Variants in ARHGAP15 observed in about 807,000 individuals in gnomAD.
ARHGAP15 encodes the protein Rho GTPase activating protein 15.
A neutral mutation model predicts 63.7 loss-of-function variants in ARHGAP15; 51 were observed. That is an observed-to-expected ratio of 0.80 (90% CI 0.64 to 1.01). The LOEUF is 1.01. ARHGAP15 is among the 50% of genes least tolerant of loss of function. ARHGAP15 has a pLI of 0.00. For missense variants in ARHGAP15, 560 were observed against 564.6 expected, an observed-to-expected ratio of 0.99 and a Z score of 0.08; for synonymous variants, 191 against 193.8, an observed-to-expected ratio of 0.99 and a Z score of 0.12.
chr2:143,659,707 T>A lies in ARHGAP15; in HGVS notation c.1138+35440T>A, dbSNP rs936103261. Among the ~76,000 whole-genome samples the A allele has an allele frequency of 8.5e-5, 13 of 152,350 alleles. No homozygotes were observed. The South Asian group carries it at 1.0e-3, about 12-fold the overall frequency. On this transcript the variant is annotated intron_variant, in intron 12 of 13. Transcript: ENST00000295095. ...CTTCCTAGGCAGGCATGGGTTTATG[T>A]GGTAATACAGGCCCTTTTAAAAATT...
At chr2:143,132,241 T>A (rs1688942399) in intron 1 of ARHGAP15, among the ~76,000 whole-genome samples, 1 of 152,220 alleles carries the variant, frequency 6.6e-6, no homozygotes, top group Non-Finnish European at 1.5e-5. Flanking sequence ...ACTTCTTTGT[T>A]GGCAAACGAT....
chr2:143,751,557 C>G (rs553808818), intron 13 of ARHGAP15, among the ~76,000 whole-genome samples: 10 of 152,274 alleles, frequency 6.6e-5, no homozygotes, highest in African/African-American at 2.2e-4. Context: ...GAAGGATGAA[C>G]TACAAGCTCT....
intron 13 of ARHGAP15, among the ~76,000 whole-genome samples, chr2:143,734,963 C>CCT (rs898481596): frequency 2.0e-5 from 3 of 152,122 alleles, no homozygotes; most frequent in African/African-American, 7.2e-5. Context: ...AATGTCGTGT[C>CCT]CTCTCTCTTA....
chr2:143,740,761 A>C (rs76967573), intron 13 of ARHGAP15, among the ~76,000 whole-genome samples: 3,282 of 152,214 alleles, frequency 0.022, 60 homozygotes, highest in Non-Finnish European at 0.028. Context: ...TTAAAAGACA[A>C]TGAAATTCTC....
intron 11 of ARHGAP15, among the ~76,000 whole-genome samples, chr2:143,568,955 T>C (rs202049049): frequency 3.3e-5 from 5 of 152,102 alleles, no homozygotes; most frequent in Admixed American, 6.5e-5. Flanking sequence ...TAGGTGGGAA[T>C]TGAACAATGA....
intron 5 of ARHGAP15, among the ~76,000 whole-genome samples, chr2:143,248,901 CT>C (rs1018871177): frequency 6.6e-6 from 1 of 152,264 alleles, no homozygotes; most frequent in South Asian, 2.1e-4. Context: ...TTTTAACCCC[CT>C]GACTTGACTG....
At chr2:143,464,437 A>G (rs990375742) in intron 8 of ARHGAP15, among the ~76,000 whole-genome samples, 5 of 152,194 alleles carry the variant, frequency 3.3e-5, no homozygotes, top group African/African-American at 1.2e-4. Flanking sequence ...AAGACATACA[A>G]CAACATATCC....
chr2:143,747,084 G>C (rs1039944508), intron 13 of ARHGAP15, among the ~76,000 whole-genome samples: 1 of 151,984 alleles, frequency 6.6e-6, no homozygotes, highest in Non-Finnish European at 1.5e-5. Flanking sequence ...CTGTCAGGGG[G>C]TGGGGAGAAA....
intron 8 of ARHGAP15, among the ~76,000 whole-genome samples, chr2:143,485,552 C>T (rs1692286621): frequency 6.6e-6 from 1 of 151,962 alleles, no homozygotes; most frequent in South Asian, 2.1e-4. Context: ...CTTCAGATGG[C>T]CCTATAATTT....
At chr2:143,327,962 A>G (rs911846228) in intron 6 of ARHGAP15, among the ~76,000 whole-genome samples, 2 of 152,250 alleles carry the variant, frequency 1.3e-5, no homozygotes, top group African/African-American at 4.8e-5. Context: ...ACTTCTCAAA[A>G]GAAGACATTT....
At chr2:143,503,165 G>A (rs961471287) in intron 9 of ARHGAP15, among the ~76,000 whole-genome samples, 16 of 152,200 alleles carry the variant, frequency 1.1e-4, no homozygotes, top group African/African-American at 2.9e-4. Flanking sequence ...TATGTAGTGC[G>A]TTCTTGGGAG....
intron 6 of ARHGAP15, among the ~76,000 whole-genome samples, chr2:143,275,891 G>T (rs1681523199): frequency 6.6e-6 from 1 of 152,066 alleles, no homozygotes; most frequent in Non-Finnish European, 1.5e-5. Context: ...CCCTCACTTT[G>T]CCTCTCTTCC....
chr2:143,145,587 T>C (rs1356299944), intron 1 of ARHGAP15, among the ~76,000 whole-genome samples: 1 of 152,078 alleles, frequency 6.6e-6, no homozygotes, highest in Non-Finnish European at 1.5e-5. Flanking sequence ...TGTCAGATTA[T>C]CAATGACTGT....
intron 10 of ARHGAP15, among the ~76,000 whole-genome samples, chr2:143,545,084 A>G (rs1385255999): frequency 2.0e-5 from 3 of 152,210 alleles, no homozygotes; most frequent in Admixed American, 6.5e-5. Context: ...CTGTGATCTA[A>G]ATAGGACTTT....
intron 13 of ARHGAP15, among the ~76,000 whole-genome samples, chr2:143,708,641 CA>C (rs1243358893): frequency 6.6e-6 from 1 of 151,988 alleles, no homozygotes; most frequent in African/African-American, 2.4e-5. Context: ...TTTCACCCTC[CA>C]AGTGATAGTT....
intron 6 of ARHGAP15, among the ~76,000 whole-genome samples, chr2:143,403,624 G>A (rs1688077750): frequency 1.3e-5 from 2 of 151,784 alleles, no homozygotes; most frequent in South Asian, 2.1e-4. Flanking sequence ...AATGGAGAAG[G>A]CATGCCCAGC....
chr2:143,169,508 G>A (rs573693812), intron 2 of ARHGAP15, among the ~76,000 whole-genome samples: 2 of 152,178 alleles, frequency 1.3e-5, no homozygotes, highest in South Asian at 4.2e-4. Context: ...CTCCTAGGTA[G>A]GAAGAAGCTT....
intron 10 of ARHGAP15, among the ~76,000 whole-genome samples, chr2:143,551,738 G>C (rs545899900): frequency 2.6e-5 from 4 of 152,102 alleles, no homozygotes; most frequent in Non-Finnish European, 5.9e-5. Context: ...TGAAGGATGG[G>C]TGTCTCATAA....
In ARHGAP15 at chr2:143,166,041, A is replaced by T. The variant is rs796759146; in HGVS notation, c.165+10386A>T. Among the ~76,000 whole-genome samples the T allele has an allele frequency of 1.9e-4, 18 of 95,898 alleles. 1 individual carries two copies. Among genetic ancestry groups the T allele is most frequent in the African/African-American group, 6.7e-4 (18 of 26,760 alleles). The allele number at this position is 95,898 out of a possible 152,430, so 62.9% of individuals were successfully genotyped here. Reference sequence around the variant, plus strand: ...AAAAAAGAAAGAAAACAAAGGAAGAAAAAGAAAGAAAGAAAGAAAGAAAAA... The same window carrying T: ...AAAAAAGAAAGAAAACAAAGGAAGATAAAGAAAGAAAGAAAGAAAGAAAAA... On this transcript the variant is annotated intron_variant, in intron 2 of 13. Transcript: ENST00000295095.
Sources: gnomAD v4.1 joint callset for allele counts (sites outside exome capture counted in the v4.1 genomes callset) on GRCh38, gnomAD v4.1.1 for gene constraint, MANE v1.5 for transcripts, NCBI Gene and HGNC (gene_info 2026-07-23, HGNC 2026-07-21) for gene names.